The following NRXN3 variants were observed in gnomAD, a reference collection of about 807,000 sequenced individuals.
The protein encoded by NRXN3 is neurexin III.
Under a neutral mutation model 137.6 loss-of-function variants are expected in NRXN3, and 32 were observed. The observed-to-expected ratio is 0.23, with a 90% CI of 0.18 to 0.31. The LOEUF (loss-of-function observed/expected upper bound fraction) is 0.31, where lower values mean the gene tolerates loss of function less well. Ranked by LOEUF, NRXN3 falls within the 10% of genes least tolerant of loss-of-function variation. The pLI, the probability that NRXN3 is intolerant of heterozygous loss-of-function variation, is 1.00. For missense variants in NRXN3, 1,574 were observed against 2,062.5 expected, an observed-to-expected ratio of 0.76 and a Z score of 4.59; for synonymous variants, 798 against 784.5, an observed-to-expected ratio of 1.02 and a Z score of -0.29.
intron 4 of NRXN3, among the ~76,000 whole-genome samples, chr14:78,371,550 G>A (rs1597890666): frequency 6.6e-6 from 1 of 152,188 alleles, no homozygotes; most frequent in East Asian, 1.9e-4. Context: ...TCTTCACTGA[G>A]CTGTTTAACA....
intron 4 of NRXN3, among the ~76,000 whole-genome samples, chr14:78,572,346 A>G (rs2096897420): frequency 6.6e-6 from 1 of 152,188 alleles, no homozygotes; most frequent in South Asian, 2.1e-4. Context: ...CATGAAAGGT[A>G]GCTGGCCTCA....
intron 4 of NRXN3, among the ~76,000 whole-genome samples, chr14:78,458,500 G>A (rs1226064637): frequency 6.6e-6 from 1 of 152,170 alleles, no homozygotes; most frequent in Non-Finnish European, 1.5e-5. Flanking sequence ...CCCTCTAGCT[G>A]TGTGAAATCA....
chr14:78,184,123 C>T (rs1320955581), intron 1 of NRXN3, among the ~76,000 whole-genome samples: 3 of 152,138 alleles, frequency 2.0e-5, no homozygotes, highest in African/African-American at 2.4e-5. Flanking sequence ...TAAATCTCCC[C>T]GCCAGAGATA....
chr14:78,686,650 A>T (rs1567059047), intron 6 of NRXN3, among the ~76,000 whole-genome samples: 2 of 152,234 alleles, frequency 1.3e-5, no homozygotes. Context: ...ATATATTACC[A>T]GTGTATGTGC....
intron 15 of NRXN3, among the ~76,000 whole-genome samples, chr14:79,295,884 T>C (rs976258482): frequency 1.3e-5 from 2 of 152,176 alleles, no homozygotes; most frequent in Non-Finnish European, 2.9e-5. Context: ...CTGTGTTTAC[T>C]TTTTTCGCTA....
chr14:79,205,234 A>T (rs914545160), intron 15 of NRXN3, among the ~76,000 whole-genome samples: 63 of 152,276 alleles, frequency 4.1e-4, no homozygotes, highest in African/African-American at 1.3e-3. Flanking sequence ...TTGGGAACCG[A>T]ATTTTATGGT....
chr14:79,314,789 C>T (rs1219473500), intron 15 of NRXN3, among the ~76,000 whole-genome samples: 2 of 144,876 alleles, frequency 1.4e-5, no homozygotes, highest in East Asian at 4.2e-4. Context: ...TGGGAGGCAC[C>T]CCCCAGCAGG....
intron 16 of NRXN3, among the ~76,000 whole-genome samples, chr14:79,654,747 G>C (rs111766517): frequency 4.7e-4 from 71 of 152,246 alleles, no homozygotes; most frequent in African/African-American, 1.6e-3. Context: ...TTTTCAGGTA[G>C]AGAATGGTAT....
chr14:78,340,367 G>A (rs2082011912), intron 4 of NRXN3, among the ~76,000 whole-genome samples: 1 of 152,182 alleles, frequency 6.6e-6, no homozygotes, highest in Admixed American at 6.5e-5. Flanking sequence ...TCTACTTTGG[G>A]ACAGGGGAAG....
intron 4 of NRXN3, among the ~76,000 whole-genome samples, chr14:78,321,302 T>G (rs533026259): frequency 2.0e-5 from 3 of 151,968 alleles, no homozygotes; most frequent in African/African-American, 7.3e-5. Flanking sequence ...TGAAAAACTT[T>G]CCCAAGGCCA....
Position 78,574,810 on chromosome 14 carries a change from T to G in NRXN3, c.758-70310T>G, listed in dbSNP as rs145488570. Reference sequence around the variant, plus strand: ...GAGGACTGTGGGAAGGGCATGACTGTTTTTTGAAATGTGAGGATTAAGCAT... The same window carrying G: ...GAGGACTGTGGGAAGGGCATGACTGGTTTTTGAAATGTGAGGATTAAGCAT... On this transcript the variant is annotated intron_variant, in intron 4 of 20. Coordinates refer to ENST00000335750, the MANE Select transcript of NRXN3 (RefSeq NM_001330195.2). Among the ~76,000 whole-genome samples the G allele has an allele frequency of 2.9e-3, 444 of 152,332 alleles. 1 individual carries two copies. Among genetic ancestry groups the G allele is most frequent in the East Asian group, 7.3e-3 (38 of 5,182 alleles).
At chr14:78,483,025 T>C (rs1020737118) in intron 4 of NRXN3, among the ~76,000 whole-genome samples, 4 of 152,192 alleles carry the variant, frequency 2.6e-5, no homozygotes, top group South Asian at 4.1e-4. Context: ...ATTTCCCCAC[T>C]AGATTGTTTT....
chr14:78,264,242 G>A (rs2071308614), intron 2 of NRXN3, among the ~76,000 whole-genome samples: 1 of 152,114 alleles, frequency 6.6e-6, no homozygotes, highest in Non-Finnish European at 1.5e-5. Flanking sequence ...TGAGCTTGAC[G>A]TTGTGCCTTC....
At chr14:79,196,336 G>C (rs894582457) in intron 15 of NRXN3, among the ~76,000 whole-genome samples, 2 of 152,182 alleles carry the variant, frequency 1.3e-5, no homozygotes, top group African/African-American at 4.8e-5. Context: ...AAGTCTTAGT[G>C]CATGAAACTG....
At chr14:78,275,208 A>G (rs989451106) in intron 2 of NRXN3, among the ~76,000 whole-genome samples, 13 of 152,224 alleles carry the variant, frequency 8.5e-5, no homozygotes, top group African/African-American at 2.6e-4. Flanking sequence ...TCCAATCACT[A>G]TTTGACATTA....
intron 16 of NRXN3, among the ~76,000 whole-genome samples, chr14:79,500,785 A>G (rs2153672057): frequency 6.6e-6 from 1 of 152,342 alleles, no homozygotes; most frequent in Middle Eastern, 3.4e-3. Context: ...TATTAAAAGT[A>G]CATATATCCT....
intron 10 of NRXN3, among the ~76,000 whole-genome samples, chr14:78,949,603 TAAA>T (rs33998097): frequency 0.077 from 10,679 of 137,984 alleles, 977 homozygotes; most frequent in East Asian, 0.39. Context: ...TTTTTTTTTT[TAAA>T]AAAAAACTAC....
chr14:78,702,903 T>G (rs1276070425), intron 6 of NRXN3, among the ~76,000 whole-genome samples: 2 of 152,206 alleles, frequency 1.3e-5, no homozygotes, highest in African/African-American at 4.8e-5. Flanking sequence ...GACCATCATC[T>G]CCTTTATTTC....
chr14:79,796,075 C>T (rs117975540), intron 19 of NRXN3, among the ~76,000 whole-genome samples: 1,587 of 152,072 alleles, frequency 0.01, 24 homozygotes, highest in Middle Eastern at 0.051. Flanking sequence ...GAAACACAGC[C>T]AAGCCTTTCT....
Sources: allele counts gnomAD v4.1 joint callset (sites outside exome capture counted in the v4.1 genomes callset), GRCh38; gene constraint gnomAD v4.1.1; transcripts MANE v1.5; gene names NCBI Gene and HGNC (gene_info 2026-07-23, HGNC 2026-07-21).